Variants in CCNT1 observed in about 807,000 individuals in gnomAD.
CCNT1 encodes the protein cyclin T1, also known as cyclin-T1.
Under a neutral mutation model 67.3 loss-of-function variants are expected in CCNT1, and 18 were observed. That is an observed-to-expected ratio of 0.27 (90% CI 0.18 to 0.40). The LOEUF is 0.40. Among genes scored for constraint, CCNT1 ranks in the 10% least tolerant of loss-of-function variants. The pLI, the probability that CCNT1 is intolerant of heterozygous loss-of-function variation, is 1.00. For synonymous variants in CCNT1, 333 were observed against 310.3 expected (o/e 1.07, Z -0.77); for missense variants, 744 against 884.9 (o/e 0.84, Z 2.02).
intron 2 of CCNT1, among the ~76,000 whole-genome samples, chr12:48,710,745 C>G (rs868111477): frequency 8.5e-5 from 13 of 152,164 alleles, no homozygotes; most frequent in Non-Finnish European, 1.9e-4. Context: ...GAATCTCTGT[C>G]CTTGTTAAGC....
intron 3 of CCNT1, chr12:48,705,537 T>C: frequency 2.1e-6 from 1 of 470,248 alleles, no homozygotes; most frequent in Non-Finnish European, 3.7e-6. Context: ...CCTCCCAAAG[T>C]GCTAGGATTA....
chr12:48,715,136 T>G lies in CCNT1; in HGVS notation c.162-612A>C, dbSNP rs534164785. Among the ~76,000 whole-genome samples the G allele has an allele frequency of 4.6e-5, 7 of 152,048 alleles. No individual in the cohort carries two copies. In the East Asian group the frequency reaches 1.2e-3, roughly 25 times the overall value. ...CTGACAACCTTAATGACAACACACATACAAAAAGGAAAGCATTTTAAGGAT... is the reference window on the plus strand; with the variant it reads ...CTGACAACCTTAATGACAACACACAGACAAAAAGGAAAGCATTTTAAGGAT... On this transcript the variant is annotated intron_variant, in intron 1 of 8. Coordinates refer to ENST00000261900, the MANE Select transcript of CCNT1 (RefSeq NM_001240.4).
chr12:48,705,515 C>T, intron 3 of CCNT1: 1 of 390,202 alleles, frequency 2.6e-6, no homozygotes, highest in South Asian at 3.4e-5. Flanking sequence ...TAAAGTGATT[C>T]TCCCACCTTA....
chr12:48,698,600 A>T (rs1423298551), intron 5 of CCNT1, among the ~76,000 whole-genome samples: 1 of 152,234 alleles, frequency 6.6e-6, no homozygotes, highest in Non-Finnish European at 1.5e-5. Flanking sequence ...GATGATCTAG[A>T]AGCAAGATCA....
chr12:48,714,260 T>C (rs952660522), intron 2 of CCNT1, among the ~76,000 whole-genome samples, 183 bp downstream of exon 2: 1 of 152,042 alleles, frequency 6.6e-6, no homozygotes, highest in African/African-American at 2.4e-5. Flanking sequence ...ACTAGACAAG[T>C]AGACACTTAA....
intron 8 of CCNT1, among the ~76,000 whole-genome samples, chr12:48,694,912 G>A (rs1565615956): frequency 6.6e-6 from 1 of 152,202 alleles, no homozygotes; most frequent in East Asian, 1.9e-4. Flanking sequence ...GCAACCTAAC[G>A]TCCCGAGTTC....
At position 48,692,865 on chromosome 12, in the gene CCNT1, G is replaced by A; in HGVS notation, c.*168C>T. ...AAATAGTTAAATGCATGAGACAGCAGATATATAGCCAAGGCCTTCTACCAC... is the reference window on the plus strand; with the variant it reads ...AAATAGTTAAATGCATGAGACAGCAAATATATAGCCAAGGCCTTCTACCAC... On this transcript the variant is annotated 3_prime_UTR_variant, in exon 9 of 9. Coordinates refer to ENST00000261900, the MANE Select transcript of CCNT1 (RefSeq NM_001240.4). 1.7e-6 allele frequency: 1 copy of A among 579,564 alleles called. No individual in the cohort carries two copies. Among genetic ancestry groups the A allele is most frequent in the Non-Finnish European group, 3.1e-6 (1 of 327,626 alleles). The allele number at this position is 579,564 out of a possible 1,614,324, so 35.9% of individuals were successfully genotyped here. A position where few individuals can be genotyped will look rare whatever the true frequency, so the allele number is the denominator to read the frequency against.
rs752355158 is a variant in CCNT1, at chr12:48,695,842, C to T, written c.707-13G>A. ...TCATGTGTCAGTTCTACAAGTAAAA[C>T]AGAACATTCAAGAAAGACTGAGAGA... is the stretch of plus-strand genomic sequence containing the variant. On this transcript the variant is annotated splice_polypyrimidine_tract_variant and intron_variant, in intron 7 of 8. Coordinates refer to ENST00000261900, the MANE Select transcript of CCNT1 (RefSeq NM_001240.4). 3 of 1,598,016 alleles carry T rather than the reference C, an allele frequency of 1.9e-6. No homozygotes were observed. Among genetic ancestry groups the T allele is most frequent in the Non-Finnish European group, 2.6e-6 (3 of 1,166,008 alleles).
At chr12:48,697,403 T>C (rs1053059872) in intron 6 of CCNT1, among the ~76,000 whole-genome samples, 6 of 150,948 alleles carry the variant, frequency 4.0e-5, no homozygotes, top group African/African-American at 1.5e-4. Context: ...CAGTCTATAA[T>C]CCCAGCTTAG....
chr12:48,716,489 G>C (rs749502416), intron 1 of CCNT1, 26 bp downstream of exon 1: 1 of 1,589,430 alleles, frequency 6.3e-7, no homozygotes, highest in Non-Finnish European at 8.6e-7. Context: ...CAACTCCAAG[G>C]CCGAAGGCCT....
rs778886326 is a variant in CCNT1, at chr12:48,695,981, C to T, written c.706+18G>A. On this transcript the variant is annotated intron_variant, in intron 7 of 8. Coordinates refer to ENST00000261900, the MANE Select transcript of CCNT1 (RefSeq NM_001240.4). ...TCAACAGCAAGTGCTTTTCAAGGTC[C>T]CTTACTCTAAAACTTACCATCTAAA... 8.7e-6 allele frequency: 14 copies of T among 1,613,384 alleles called. No individual in the cohort carries two copies. The highest frequency in any genetic ancestry group is 1.2e-5 in the Non-Finnish European group (14 of 1,179,494).
Position 48,692,754 on chromosome 12 carries a change from A to T in CCNT1, c.*279T>A. 3.3e-6 allele frequency: 1 copy of T among 299,892 alleles called. No individual in the cohort carries two copies. Among genetic ancestry groups the T allele is most frequent in the Non-Finnish European group, 6.2e-6 (1 of 161,242 alleles). 18.6% of individuals were successfully genotyped at this position (299,892 alleles called of 1,614,324 possible). A position where few individuals can be genotyped will look rare whatever the true frequency, so the allele number is the denominator to read the frequency against. On this transcript the variant is annotated 3_prime_UTR_variant, in exon 9 of 9. Coordinates refer to ENST00000261900, the MANE Select transcript of CCNT1 (RefSeq NM_001240.4). ...GATATCAACTCCAATCAACCTAATT[A>T]GATGGTGGAGAGGCCAAGAATTCAG...
intron 3 of CCNT1, 116 bp downstream of exon 3, chr12:48,705,652 G>A (rs1940345100): frequency 3.7e-6 from 3 of 806,048 alleles, no homozygotes; most frequent in Admixed American, 2.8e-5. Flanking sequence ...TCAATAAATC[G>A]AAGTTATAAA....
intron 5 of CCNT1, among the ~76,000 whole-genome samples, chr12:48,698,928 C>G (rs1431956186): frequency 6.6e-6 from 1 of 151,638 alleles, no homozygotes; most frequent in Non-Finnish European, 1.5e-5. Flanking sequence ...TGCACTCCAC[C>G]CTGGGCAACA....
At chr12:48,710,567 A>T (rs984792554) in intron 2 of CCNT1, among the ~76,000 whole-genome samples, 1 of 152,190 alleles carries the variant, frequency 6.6e-6, no homozygotes, top group Non-Finnish European at 1.5e-5. Flanking sequence ...AGACAGCTTG[A>T]GGCCAGGAGT....
intron 4 of CCNT1, among the ~76,000 whole-genome samples, chr12:48,700,677 G>A (rs574263893): frequency 6.6e-6 from 1 of 152,238 alleles, no homozygotes; most frequent in East Asian, 1.9e-4. Context: ...AACAAATGCT[G>A]TTACAGGCCA....
At chr12:48,707,976 G>A (rs956440108) in intron 2 of CCNT1, among the ~76,000 whole-genome samples, 9 of 152,076 alleles carry the variant, frequency 5.9e-5, no homozygotes, top group Non-Finnish European at 1.2e-4. Flanking sequence ...ACCTACTCGG[G>A]AGAATTGCCT....
chr12:48,691,465 T>C lies in CCNT1; in HGVS notation c.*1568A>G, dbSNP rs1357971383. ...AAAATGCAATGAAGATCAAAGAATATCTCATTAAATGATCTCTGGCTAGGT... is the reference window on the plus strand; with the variant it reads ...AAAATGCAATGAAGATCAAAGAATACCTCATTAAATGATCTCTGGCTAGGT... On this transcript the variant is annotated 3_prime_UTR_variant, in exon 9 of 9. Transcript: ENST00000261900. The C allele has an allele frequency of 1.3e-5, 2 of 152,142 alleles. No homozygotes were observed. The highest frequency in any genetic ancestry group is 2.9e-5 in the Non-Finnish European group (2 of 68,026). The allele number at this position is 152,142 out of a possible 1,614,324, so 9.4% of individuals were successfully genotyped here.
intron 2 of CCNT1, 57 bp downstream of exon 2, chr12:48,714,386 A>C: frequency 9.3e-7 from 1 of 1,073,970 alleles, no homozygotes; most frequent in Non-Finnish European, 1.4e-6. Context: ...CACAAATGGA[A>C]TAGGTAGGTG....
Sources: gnomAD v4.1 joint callset for allele counts (sites outside exome capture counted in the v4.1 genomes callset) on GRCh38, gnomAD v4.1.1 for gene constraint, MANE v1.5 for transcripts, NCBI Gene and HGNC (gene_info 2026-07-23, HGNC 2026-07-21) for gene names.